PARP8: variants seen among roughly 807,000 people sequenced by gnomAD.
PARP8 encodes the protein protein mono-ADP-ribosyltransferase PARP8.
A neutral mutation model predicts 124.1 loss-of-function variants in PARP8; 51 were observed. That is an observed-to-expected ratio of 0.41 (90% CI 0.33 to 0.52). The LOEUF is 0.52. Ranked by LOEUF, PARP8 falls within the 20% of genes least tolerant of loss-of-function variation. The probability of loss-of-function intolerance (pLI) is 0.21; values close to 1 mark genes in which losing one functional copy is unlikely to be tolerated. For synonymous variants in PARP8, 391 were observed against 361.5 expected (o/e 1.08, Z -0.93); for missense variants, 860 against 1,018.9 (o/e 0.84, Z 2.12).
intron 23 of PARP8, among the ~76,000 whole-genome samples, chr5:50,833,692 C>T (rs1014870548): frequency 1.3e-5 from 2 of 152,048 alleles, no homozygotes; most frequent in African/African-American, 4.8e-5. Flanking sequence ...AGAGGCCAAG[C>T]TTTTAGTAAA....
chr5:50,699,860 C>A (rs1351377786), intron 2 of PARP8, among the ~76,000 whole-genome samples: 1 of 152,016 alleles, frequency 6.6e-6, no homozygotes, highest in African/African-American at 2.4e-5. Flanking sequence ...TAAGAGGTCT[C>A]GGTTCAGCTG....
intron 9 of PARP8, among the ~76,000 whole-genome samples, chr5:50,780,701 A>G (rs1420277155): frequency 3.3e-5 from 5 of 152,214 alleles, no homozygotes; most frequent in Non-Finnish European, 1.5e-5. Flanking sequence ...TTGGAAACCA[A>G]GGAAACCTGA....
chr5:50,818,440 C>T (rs927957035), intron 15 of PARP8, among the ~76,000 whole-genome samples: 4 of 152,122 alleles, frequency 2.6e-5, no homozygotes, highest in Admixed American at 6.5e-5. Flanking sequence ...ATCTTGGCCA[C>T]GCTGGTCTTG....
chr5:50,690,728 A>G (rs761915228), intron 2 of PARP8, among the ~76,000 whole-genome samples: 1 of 152,210 alleles, frequency 6.6e-6, no homozygotes, highest in South Asian at 2.1e-4. Flanking sequence ...TAGAAACTCA[A>G]CAGTGGCAAT....
At chr5:50,791,041 GTTA>G (rs1741895417) in intron 10 of PARP8, among the ~76,000 whole-genome samples, 1 of 152,072 alleles carries the variant, frequency 6.6e-6, no homozygotes, top group Non-Finnish European at 1.5e-5. Context: ...ATATAAAGAG[GTTA>G]TTTTCTTAGA....
intron 2 of PARP8, among the ~76,000 whole-genome samples, chr5:50,732,729 C>T (rs1430715136): frequency 6.6e-6 from 1 of 151,874 alleles, no homozygotes; most frequent in East Asian, 2.0e-4. Flanking sequence ...TGCCATTCTC[C>T]TGCCTCAGCC....
intron 14 of PARP8, among the ~76,000 whole-genome samples, chr5:50,798,424 GTT>G (rs748058229): frequency 9.6e-5 from 13 of 135,946 alleles, no homozygotes; most frequent in African/African-American, 2.9e-4. Flanking sequence ...TATTTTTTTT[GTT>G]TTTTTTTTTT....
chr5:50,764,791 A>T, intron 7 of PARP8, among the ~76,000 whole-genome samples: 1 of 151,422 alleles, frequency 6.6e-6, no homozygotes, highest in East Asian at 1.9e-4. Flanking sequence ...TACATAGTCC[A>T]AAACAATGGC....
At chr5:50,786,631 G>A (rs115663191) in intron 9 of PARP8, among the ~76,000 whole-genome samples, 6,406 of 151,802 alleles carry the variant, frequency 0.042, 435 homozygotes, top group African/African-American at 0.15. Context: ...GCCTCCCAAA[G>A]TATTGGGGTT....
intron 2 of PARP8, 39 bp downstream of exon 2, chr5:50,668,164 A>G: frequency 6.6e-7 from 1 of 1,513,472 alleles, no homozygotes; most frequent in Admixed American, 1.7e-5. Context: ...TCCTGTTCAC[A>G]CTCTTGTGTT....
intron 2 of PARP8, among the ~76,000 whole-genome samples, chr5:50,728,957 T>C (rs1021589377): frequency 3.3e-5 from 5 of 152,156 alleles, no homozygotes; most frequent in African/African-American, 1.2e-4. Context: ...AGGCAACTTA[T>C]TATCTAATTT....
intron 2 of PARP8, among the ~76,000 whole-genome samples, chr5:50,698,576 C>T (rs1369526625): frequency 6.6e-6 from 1 of 152,012 alleles, no homozygotes; most frequent in Non-Finnish European, 1.5e-5. Flanking sequence ...TAGGATGATA[C>T]AATTTTTTCC....
chr5:50,824,994 C>T lies in PARP8; in HGVS notation c.1928+19C>T. ...TGCAATGGTATAAAATTCTAGTTTT[C>T]CTCTTAATGAAAACAGCATCCTTTT... is the stretch of plus-strand genomic sequence containing the variant. On this transcript the variant is annotated intron_variant, in intron 18 of 25. Coordinates refer to ENST00000281631, the MANE Select transcript of PARP8 (RefSeq NM_024615.4). 1 of 1,586,702 alleles carries T rather than the reference C, an allele frequency of 6.3e-7. No individual in the cohort carries two copies. Among genetic ancestry groups the T allele is most frequent in the Non-Finnish European group, 8.6e-7 (1 of 1,157,284 alleles).
At position 50,826,817 on chromosome 5, in the gene PARP8, T is replaced by C. The variant is rs767650303; in HGVS notation, c.1977+14T>C. 1.9e-6 allele frequency: 3 copies of C among 1,592,242 alleles called. No individual in the cohort carries two copies. Among genetic ancestry groups the C allele is most frequent in the Non-Finnish European group, 2.6e-6 (3 of 1,173,362 alleles). ...CCAGTTAACAGGGTAAGTTGTTTTT[T>C]TTTTTTTTACATATGCATACAGAAA... On this transcript the variant is annotated intron_variant, in intron 19 of 25. Coordinates refer to ENST00000281631, the MANE Select transcript of PARP8 (RefSeq NM_024615.4).
At chr5:50,793,253 G>A (rs765899351) in intron 10 of PARP8, among the ~76,000 whole-genome samples, 3 of 152,152 alleles carry the variant, frequency 2.0e-5, no homozygotes, top group African/African-American at 4.8e-5. Flanking sequence ...TGAAAAGAGC[G>A]TGAAAAACAG....
At chr5:50,715,079 T>A (rs1185472432) in intron 2 of PARP8, among the ~76,000 whole-genome samples, 3 of 152,068 alleles carry the variant, frequency 2.0e-5, no homozygotes, top group Non-Finnish European at 4.4e-5. Context: ...AGTGGCCAGC[T>A]AACTATTCCC....
intron 14 of PARP8, among the ~76,000 whole-genome samples, chr5:50,805,230 G>C (rs1743692875): frequency 6.6e-6 from 1 of 152,022 alleles, no homozygotes; most frequent in Non-Finnish European, 1.5e-5. Context: ...CAGCTTTTGA[G>C]TTAAGAAATA....
chr5:50,788,239 C>T (rs901777649), intron 9 of PARP8, among the ~76,000 whole-genome samples: 1 of 143,620 alleles, frequency 7.0e-6, no homozygotes, highest in Non-Finnish European at 1.5e-5. Flanking sequence ...TATTATTATA[C>T]AGTATAATGT....
intron 12 of PARP8, 138 bp downstream of exon 12, chr5:50,795,555 T>C (rs1319698538): frequency 1.5e-6 from 1 of 688,158 alleles, no homozygotes; most frequent in Non-Finnish European, 2.3e-6. Context: ...TTTTTGGATA[T>C]TGTTTTGCAT....
Sources: allele counts gnomAD v4.1 joint callset (sites outside exome capture counted in the v4.1 genomes callset), GRCh38; gene constraint gnomAD v4.1.1; transcripts MANE v1.5; gene names NCBI Gene and HGNC (gene_info 2026-07-23, HGNC 2026-07-21).